ZIM2: variants seen among roughly 807,000 people sequenced by gnomAD.
ZIM2 encodes zinc finger imprinted 2, also known as zinc finger protein 656.
Under a neutral mutation model 38.6 loss-of-function variants are expected in ZIM2, and 14 were observed. That is an observed-to-expected ratio of 0.36 (90% CI 0.24 to 0.57). The LOEUF is 0.57. Among genes scored for constraint, ZIM2 ranks in the 20% least tolerant of loss-of-function variants. The pLI is 0.81. For synonymous variants in ZIM2, 247 were observed against 245.8 expected (o/e 1.00, Z -0.04); for missense variants, 680 against 695.1 (o/e 0.98, Z 0.24).
chr19:56,812,853 T>C, intron 9 of ZIM2: 2 of 981,412 alleles, frequency 2.0e-6, no homozygotes, highest in South Asian at 4.7e-5. Flanking sequence ...AAATGTGTAA[T>C]ATTTTTGCAT....
intron 3 of ZIM2, 26 bp from the exon 4 acceptor site, chr19:56,824,453 C>A: frequency 6.2e-6 from 10 of 1,614,080 alleles, no homozygotes; most frequent in Non-Finnish European, 8.5e-6. Context: ...GCAGAGGTTT[C>A]GGAGTTTGAT....
chr19:56,811,622 A>G (rs2059547728), intron 9 of ZIM2: 9 of 985,336 alleles, frequency 9.1e-6, no homozygotes, highest in Non-Finnish European at 1.1e-5. Flanking sequence ...TGTTAACACC[A>G]AGTAATGTAC....
At position 56,817,498 on chromosome 19, in the gene ZIM2, A is replaced by G. The variant is rs756739884; in HGVS notation, c.490+248T>C. The G allele has an allele frequency of 1.9e-6, 3 of 1,612,250 alleles. No homozygotes were observed. The South Asian group carries it at 3.3e-5, about 18-fold the overall frequency. ...TGACACATCCTTGATGAATTTTTCCATTATCACTCCGTGGGAAGATTCATC... is the reference window on the plus strand; with the variant it reads ...TGACACATCCTTGATGAATTTTTCCGTTATCACTCCGTGGGAAGATTCATC... On this transcript the variant is annotated intron_variant, in intron 9 of 12. Coordinates refer to ENST00000629319, the MANE Select transcript of ZIM2 (RefSeq NM_001387356.1).
rs1600732476 is a variant in ZIM2, at chr19:56,786,803, C to T, written c.570+3069G>A. On this transcript the variant is annotated intron_variant, in intron 10 of 12. Coordinates refer to ENST00000629319, the MANE Select transcript of ZIM2 (RefSeq NM_001387356.1). ...CAGTTCAGAGACCTGGGTTCAAGTA[C>T]TGTACTGTTTTATTGTTTTTTGTTT... Among the ~76,000 whole-genome samples the T allele has an allele frequency of 2.6e-5, 4 of 151,984 alleles. No individual in the cohort carries two copies. The South Asian group carries it at 8.3e-4, about 32-fold the overall frequency.
At chr19:56,829,917 T>C (rs1386202908) in intron 2 of ZIM2, among the ~76,000 whole-genome samples, 2 of 152,222 alleles carry the variant, frequency 1.3e-5, no homozygotes, top group South Asian at 2.1e-4. Flanking sequence ...CAGCCACGCC[T>C]ACCACTGAAG....
chr19:56,791,188 G>A (rs2046912648), intron 9 of ZIM2: 1 of 152,160 alleles, frequency 6.6e-6, no homozygotes, highest in Non-Finnish European at 1.5e-5. Flanking sequence ...TAAGAGTACA[G>A]ATGCTGAAGC....
At chr19:56,782,213 C>G in intron 10 of ZIM2, 92 bp from the exon 11 acceptor site, 1 of 1,510,792 alleles carries the variant, frequency 6.6e-7, no homozygotes, top group Non-Finnish European at 8.9e-7. Context: ...GTGCTCTAAT[C>G]CAGAGCCACA....
intron 1 of ZIM2, among the ~76,000 whole-genome samples, chr19:56,837,915 C>G (rs1026024172): frequency 2.6e-5 from 4 of 152,222 alleles, no homozygotes; most frequent in African/African-American, 7.2e-5. Context: ...AATGGTGCCT[C>G]CGCACTGCAC....
At chr19:56,784,801 TATA>T (rs2046510684) in intron 10 of ZIM2, among the ~76,000 whole-genome samples, 1 of 152,190 alleles carries the variant, frequency 6.6e-6, no homozygotes, top group African/African-American at 2.4e-5. Context: ...TCTAAAATTT[TATA>T]ATAAAACACA....
chr19:56,817,237 C>T, intron 9 of ZIM2: 2 of 1,614,106 alleles, frequency 1.2e-6, no homozygotes, highest in Non-Finnish European at 1.7e-6. Context: ...GTGAATCGAG[C>T]CCTTCCCATC....
chr19:56,838,313 A>C (rs1214828386), intron 1 of ZIM2, among the ~76,000 whole-genome samples: 1 of 150,894 alleles, frequency 6.6e-6, no homozygotes, highest in Admixed American at 6.6e-5. Flanking sequence ...CCTGGGGCCG[A>C]CCCAGGTGTC....
intron 9 of ZIM2, chr19:56,815,080 T>C: frequency 6.2e-7 from 1 of 1,613,804 alleles, no homozygotes; most frequent in African/African-American, 1.3e-5. Flanking sequence ...GTCTGTGAGG[T>C]CTGTGAGATC....
chr19:56,828,711 T>C (rs911880517), intron 2 of ZIM2, among the ~76,000 whole-genome samples: 1 of 152,196 alleles, frequency 6.6e-6, no homozygotes, highest in Non-Finnish European at 1.5e-5. Flanking sequence ...CTTTTGGCAT[T>C]AGGAAAAATA....
At chr19:56,839,939 A>G (rs1244358302) in intron 1 of ZIM2, among the ~76,000 whole-genome samples, 1 of 152,240 alleles carries the variant, frequency 6.6e-6, no homozygotes, top group East Asian at 1.9e-4. Flanking sequence ...AGCCGCCCTT[A>G]TTTAAGATAC....
intron 12 of ZIM2, among the ~76,000 whole-genome samples, chr19:56,777,303 G>A (rs1457945801): frequency 6.6e-6 from 1 of 152,212 alleles, no homozygotes; most frequent in African/African-American, 2.4e-5. Context: ...GAACGGAAGA[G>A]TAAGAGAACA....
At chr19:56,835,949 T>A in intron 2 of ZIM2, 69 bp downstream of exon 2, 1 of 472,842 alleles carries the variant, frequency 2.1e-6, no homozygotes, top group South Asian at 1.5e-5. Context: ...TAGGAAAGTG[T>A]CAGAGTAAGG....
chr19:56,836,305 T>A (rs552173452), intron 1 of ZIM2, among the ~76,000 whole-genome samples: 1 of 152,156 alleles, frequency 6.6e-6, no homozygotes, highest in Non-Finnish European at 1.5e-5. Context: ...GATGTACTCA[T>A]AGACTTTCTC....
chr19:56,789,868 T>G lies in ZIM2; in HGVS notation c.570+4A>C. On this transcript the variant is annotated splice_donor_region_variant and intron_variant, in intron 10 of 12. Transcript: ENST00000629319. Reference sequence around the variant, plus strand: ...TAACCATGTCAGAGGAAAGCCTGACTCACCTGGGACCCAGCAGATGGCAGA... The same window carrying G: ...TAACCATGTCAGAGGAAAGCCTGACGCACCTGGGACCCAGCAGATGGCAGA... The G allele has an allele frequency of 6.4e-7, 1 of 1,551,752 alleles. No homozygotes were observed. Among genetic ancestry groups the G allele is most frequent in the Non-Finnish European group, 8.8e-7 (1 of 1,138,120 alleles).
At chr19:56,820,954 C>G (rs752887163) in intron 7 of ZIM2, among the ~76,000 whole-genome samples, 1 of 152,204 alleles carries the variant, frequency 6.6e-6, no homozygotes, top group Non-Finnish European at 1.5e-5. Context: ...CTCCACACTC[C>G]ACCATGTATA....
Sources: allele counts gnomAD v4.1 joint callset (sites outside exome capture counted in the v4.1 genomes callset), GRCh38; gene constraint gnomAD v4.1.1; transcripts MANE v1.5; gene names NCBI Gene and HGNC (gene_info 2026-07-23, HGNC 2026-07-21).